The following CNTN5 variants were observed in gnomAD, a reference collection of about 807,000 sequenced individuals.
The protein encoded by CNTN5 is contactin 5.
Under a neutral mutation model 129.1 loss-of-function variants are expected in CNTN5, and 77 were observed. The ratio of observed to expected loss-of-function variants is 0.60; its 90% CI spans 0.50 to 0.72. The LOEUF is 0.72. CNTN5 is among the 30% of genes least tolerant of loss of function. The probability of loss-of-function intolerance (pLI) is 0.00; values close to 1 mark genes in which losing one functional copy is unlikely to be tolerated. For synonymous variants in CNTN5, 509 were observed against 465.6 expected, an observed-to-expected ratio of 1.09 and a Z score of -1.20; for missense variants, 1,478 against 1,328.8, an observed-to-expected ratio of 1.11 and a Z score of -1.75.
At chr11:100,218,647 GC>G (rs1156416500) in intron 15 of CNTN5, among the ~76,000 whole-genome samples, 1 of 152,174 alleles carries the variant, frequency 6.6e-6, no homozygotes, top group African/African-American at 2.4e-5. Flanking sequence ...AAATTACGTA[GC>G]CAGTCCTGGT....
chr11:99,560,213 G>A (rs1948795855), intron 3 of CNTN5, among the ~76,000 whole-genome samples: 1 of 151,538 alleles, frequency 6.6e-6, no homozygotes, highest in South Asian at 2.1e-4. Context: ...AAAATATATA[G>A]TAGTAGGTCA....
At chr11:100,245,549 T>C (rs1170743974) in intron 16 of CNTN5, among the ~76,000 whole-genome samples, 3 of 151,912 alleles carry the variant, frequency 2.0e-5, no homozygotes, top group African/African-American at 7.2e-5. Context: ...CTGAGACAAG[T>C]AGAGTGAATA....
chr11:100,081,567 A>T (rs570501791), intron 13 of CNTN5, among the ~76,000 whole-genome samples: 70 of 152,266 alleles, frequency 4.6e-4, no homozygotes, highest in South Asian at 4.6e-3. Flanking sequence ...GACATTATGA[A>T]TCCAGCAATG....
intron 13 of CNTN5, 57 bp downstream of exon 13, chr11:100,074,351 G>T: frequency 1.4e-6 from 2 of 1,385,368 alleles, no homozygotes; most frequent in South Asian, 2.5e-5. Context: ...GGTTACAGGT[G>T]ACACACACAA....
intron 19 of CNTN5, 81 bp from the exon 20 acceptor site, chr11:100,299,081 T>C (rs1951162642): frequency 6.8e-6 from 6 of 877,814 alleles, no homozygotes; most frequent in Admixed American, 5.9e-5. Flanking sequence ...CTATCTATAA[T>C]TTTTTTTAAT....
At chr11:99,456,044 T>C (rs765914624) in intron 2 of CNTN5, among the ~76,000 whole-genome samples, 1 of 152,138 alleles carries the variant, frequency 6.6e-6, no homozygotes, top group African/African-American at 2.4e-5. Flanking sequence ...AGAAAGTCAA[T>C]ACCATAGTTT....
intron 2 of CNTN5, among the ~76,000 whole-genome samples, chr11:99,372,191 CA>C (rs1022492883): frequency 7.6e-4 from 116 of 152,274 alleles, no homozygotes; most frequent in African/African-American, 2.7e-3. Flanking sequence ...AACATTTAAT[CA>C]AAAAGCTTAT....
intron 2 of CNTN5, among the ~76,000 whole-genome samples, chr11:99,347,113 A>G (rs531542518): frequency 2.0e-5 from 3 of 152,168 alleles, no homozygotes; most frequent in Admixed American, 6.5e-5. Flanking sequence ...GAGTTTTTAC[A>G]TCTTTGGCTT....
chr11:100,143,082 G>GA (rs1946744763), intron 13 of CNTN5, among the ~76,000 whole-genome samples: 1 of 152,034 alleles, frequency 6.6e-6, no homozygotes, highest in South Asian at 2.1e-4. Flanking sequence ...TCCAAAATCT[G>GA]AAAAAATTCA....
chr11:99,361,103 C>T (rs1939079904), intron 2 of CNTN5, among the ~76,000 whole-genome samples: 1 of 152,098 alleles, frequency 6.6e-6, no homozygotes, highest in Non-Finnish European at 1.5e-5. Flanking sequence ...ATAATATGTT[C>T]CTTATTTTTA....
chr11:99,777,720 A>G (rs1299476904), intron 3 of CNTN5, among the ~76,000 whole-genome samples: 2 of 151,970 alleles, frequency 1.3e-5, no homozygotes, highest in Middle Eastern at 3.4e-3. Flanking sequence ...CTCAGGTGTA[A>G]CAGAGTTGAT....
chr11:99,506,094 AT>A (rs150727951), intron 2 of CNTN5, among the ~76,000 whole-genome samples: 8,767 of 152,152 alleles, frequency 0.058, 267 homozygotes, highest in South Asian at 0.085. Flanking sequence ...TGCTCTGAGT[AT>A]TTTTTGACAG....
At chr11:99,687,155 A>G (rs550687028) in intron 3 of CNTN5, among the ~76,000 whole-genome samples, 2 of 137,060 alleles carry the variant, frequency 1.5e-5, no homozygotes, top group African/African-American at 2.5e-5. Flanking sequence ...AAATTCTTCA[A>G]TTGTTGTTTT....
At chr11:99,159,145 A>G (rs1376338690) in intron 1 of CNTN5, among the ~76,000 whole-genome samples, 2 of 152,180 alleles carry the variant, frequency 1.3e-5, no homozygotes, top group African/African-American at 4.8e-5. Context: ...AATGCTTGTA[A>G]GATTCTCTGT....
At chr11:99,878,648 G>C (rs1016187414) in intron 6 of CNTN5, among the ~76,000 whole-genome samples, 1 of 152,114 alleles carries the variant, frequency 6.6e-6, no homozygotes, top group Non-Finnish European at 1.5e-5. Flanking sequence ...ACGAGGTCAA[G>C]AGATTGAGAC....
At chr11:100,268,262 G>A (rs1950343222) in intron 17 of CNTN5, among the ~76,000 whole-genome samples, 1 of 152,142 alleles carries the variant, frequency 6.6e-6, no homozygotes, top group Admixed American at 6.5e-5. Flanking sequence ...TGGTGTTTAA[G>A]TGAGAGGTTT....
rs145031848 is a variant in CNTN5 at position 99,788,140 on chromosome 11, T to C, written c.56-31404T>C. 6.2e-3 allele frequency among the ~76,000 whole-genome samples: 950 copies of C among 152,096 alleles called. 13 individuals carry two copies. The highest frequency in any genetic ancestry group is 0.022 in the African/African-American group (907 of 41,550). On this transcript the variant is annotated intron_variant, in intron 3 of 24. Coordinates refer to ENST00000524871, the MANE Select transcript of CNTN5 (RefSeq NM_014361.4). ...GATCTCTTCCAGTTTGTACACTTTT[T>C]CTGTATCTTCCTCATATAGAAAGTT...
intron 2 of CNTN5, among the ~76,000 whole-genome samples, chr11:99,432,719 T>C (rs1000475717): frequency 6.6e-6 from 1 of 151,412 alleles, no homozygotes; most frequent in Admixed American, 6.6e-5. Flanking sequence ...AGCCAGAAAA[T>C]AGAAGATGAA....
chr11:99,292,378 C>A (rs780778497), intron 1 of CNTN5, among the ~76,000 whole-genome samples: 1 of 150,126 alleles, frequency 6.7e-6, no homozygotes, highest in Non-Finnish European at 1.5e-5. Flanking sequence ...AAAGACTTTC[C>A]AGTGAAATCA....
Sources: gnomAD v4.1 joint callset for allele counts (sites outside exome capture counted in the v4.1 genomes callset) on GRCh38, gnomAD v4.1.1 for gene constraint, MANE v1.5 for transcripts, NCBI Gene and HGNC (gene_info 2026-07-23, HGNC 2026-07-21) for gene names.